DOCK3: variants seen among roughly 807,000 people sequenced by gnomAD.
The protein encoded by DOCK3 is dedicator of cytokinesis protein 3.
Under a neutral mutation model 265.6 loss-of-function variants are expected in DOCK3, and 60 were observed. The observed-to-expected ratio is 0.23, with a 90% CI of 0.18 to 0.28. The LOEUF (loss-of-function observed/expected upper bound fraction) is 0.28. Ranked by LOEUF, DOCK3 falls within the 10% of genes least tolerant of loss-of-function variation. The pLI, the probability that DOCK3 is intolerant of heterozygous loss-of-function variation, is 1.00. For synonymous variants in DOCK3, 881 were observed against 938.0 expected (o/e 0.94, Z 1.11); for missense variants, 1,981 against 2,594.3 (o/e 0.76, Z 5.14).
intron 4 of DOCK3, among the ~76,000 whole-genome samples, chr3:50,890,767 G>T (rs1053712798): frequency 1.3e-5 from 2 of 152,036 alleles, no homozygotes; most frequent in Non-Finnish European, 2.9e-5. Context: ...TGCAGGGTGA[G>T]TAAGCATCAG....
intron 5 of DOCK3, among the ~76,000 whole-genome samples, chr3:51,056,280 G>A (rs1033460340): frequency 1.3e-5 from 2 of 151,988 alleles, no homozygotes; most frequent in East Asian, 1.9e-4. Flanking sequence ...ACGGAGTCTC[G>A]CTCTGTTCCC....
At chr3:51,073,206 A>G (rs1036385924) in intron 6 of DOCK3, among the ~76,000 whole-genome samples, 6 of 152,132 alleles carry the variant, frequency 3.9e-5, no homozygotes, top group East Asian at 1.9e-4. Context: ...ACATATTACT[A>G]TTTCAGTTTT....
chr3:51,073,248 C>G (rs1397805122), intron 6 of DOCK3, among the ~76,000 whole-genome samples: 1 of 152,126 alleles, frequency 6.6e-6, no homozygotes, highest in Admixed American at 6.5e-5. Context: ...TTCTTGTGAT[C>G]TTTCCATTGT....
Position 50,686,390 on chromosome 3 carries a change from A to G in DOCK3, c.37+11090A>G, listed in dbSNP as rs554628440. Among the ~76,000 whole-genome samples the G allele has an allele frequency of 5.9e-5, 9 of 152,306 alleles. No homozygotes were observed. In the East Asian group the frequency reaches 1.5e-3, roughly 26 times the overall value. ...TGTATGGAGATTTGAAGTTGTCCCA[A>G]ACATACCATTAAGGCTGTTGTCATT... is the stretch of plus-strand genomic sequence containing the variant. On this transcript the variant is annotated intron_variant, in intron 1 of 52. Coordinates refer to ENST00000266037, the MANE Select transcript of DOCK3 (RefSeq NM_004947.5).
chr3:51,028,099 C>G (rs368963208), intron 5 of DOCK3, among the ~76,000 whole-genome samples: 1 of 151,998 alleles, frequency 6.6e-6, no homozygotes, highest in African/African-American at 2.4e-5. Flanking sequence ...TTAGAGCTCT[C>G]GAGCATTTCT....
rs898833614 is a variant in DOCK3, at chr3:50,907,881, A to G, written c.218+17800A>G. Among the ~76,000 whole-genome samples the G allele has an allele frequency of 7.2e-5, 11 of 152,112 alleles. No individual in the cohort carries two copies. In the East Asian group the frequency reaches 2.1e-3, roughly 29 times the overall value. On this transcript the variant is annotated intron_variant, in intron 4 of 52. Coordinates refer to ENST00000266037, the MANE Select transcript of DOCK3 (RefSeq NM_004947.5). ...TGGTTTGGATGGTAGGCTATTTATT[A>G]CTGCCTCAATTTCAGAGCTTGTTGT...
intron 3 of DOCK3, among the ~76,000 whole-genome samples, chr3:50,865,238 C>G (rs2047085155): frequency 6.6e-6 from 1 of 152,074 alleles, no homozygotes; most frequent in South Asian, 2.1e-4. Flanking sequence ...AATTTTAGGT[C>G]TGATACATTC....
intron 22 of DOCK3, among the ~76,000 whole-genome samples, chr3:51,257,363 T>A (rs1311539240): frequency 6.6e-6 from 1 of 152,238 alleles, no homozygotes; most frequent in Non-Finnish European, 1.5e-5. Context: ...AACTTCTTCC[T>A]TAATACTTTT....
chr3:51,249,372 G>C (rs1257540445), intron 22 of DOCK3, among the ~76,000 whole-genome samples: 2 of 143,550 alleles, frequency 1.4e-5, no homozygotes, highest in Non-Finnish European at 3.1e-5. Flanking sequence ...CCGGGAGGGA[G>C]GTGGGGGGGT....
intron 1 of DOCK3, among the ~76,000 whole-genome samples, chr3:50,759,418 C>A (rs1417505739): frequency 1.3e-5 from 2 of 151,988 alleles, no homozygotes; most frequent in African/African-American, 2.4e-5. Context: ...TATGAAGTGG[C>A]ATCTCATTGT....
intron 10 of DOCK3, among the ~76,000 whole-genome samples, chr3:51,147,839 C>G (rs1288885051): frequency 1.3e-5 from 2 of 152,130 alleles, no homozygotes; most frequent in Non-Finnish European, 2.9e-5. Context: ...GATTTATAAT[C>G]CTTTGGGTAT....
chr3:50,789,610 T>A (rs918470495), intron 2 of DOCK3, among the ~76,000 whole-genome samples: 2 of 152,220 alleles, frequency 1.3e-5, no homozygotes, highest in African/African-American at 4.8e-5. Flanking sequence ...TTGCCATCCA[T>A]CACATTTCTT....
chr3:51,022,193 TTGAC>T (rs893263614), intron 5 of DOCK3, among the ~76,000 whole-genome samples: 1 of 152,208 alleles, frequency 6.6e-6, no homozygotes, highest in African/African-American at 2.4e-5. Flanking sequence ...ATTTTGTACA[TTGAC>T]TGTATATTTA....
At chr3:51,217,017 A>G (rs2089826874) in intron 14 of DOCK3, among the ~76,000 whole-genome samples, 1 of 152,256 alleles carries the variant, frequency 6.6e-6, no homozygotes, top group Non-Finnish European at 1.5e-5. Flanking sequence ...GAAGGAAATC[A>G]TGTCAGTAAC....
intron 22 of DOCK3, among the ~76,000 whole-genome samples, chr3:51,252,681 A>G (rs1280579747): frequency 1.3e-5 from 2 of 152,184 alleles, no homozygotes; most frequent in Non-Finnish European, 2.9e-5. Context: ...ATTGGTGTAT[A>G]GGAATGCTTG....
chr3:50,718,717 C>T (rs2037281059), intron 1 of DOCK3, among the ~76,000 whole-genome samples: 1 of 150,866 alleles, frequency 6.6e-6, no homozygotes, highest in African/African-American at 2.4e-5. Flanking sequence ...TTCCTTTTGC[C>T]ATCCGCTCTA....
intron 5 of DOCK3, 63 bp from the exon 6 acceptor site, chr3:51,064,385 T>C: frequency 6.3e-7 from 1 of 1,590,538 alleles, no homozygotes; most frequent in Admixed American, 1.7e-5. Flanking sequence ...CTATTTCTCT[T>C]TTTCTTTTCA....
intron 4 of DOCK3, among the ~76,000 whole-genome samples, chr3:50,913,790 C>G (rs1453473126): frequency 1.3e-5 from 2 of 152,002 alleles, no homozygotes; most frequent in Non-Finnish European, 2.9e-5. Flanking sequence ...GCACAGGAAC[C>G]CTCTCTGTAC....
intron 1 of DOCK3, among the ~76,000 whole-genome samples, chr3:50,677,095 TTGTTA>T (rs1424614484): frequency 2.0e-5 from 3 of 152,288 alleles, no homozygotes; most frequent in African/African-American, 7.2e-5. Flanking sequence ...TTTAGAAAAA[TTGTTA>T]TTCCCTTTGG....
Sources: allele counts gnomAD v4.1 joint callset (sites outside exome capture counted in the v4.1 genomes callset), GRCh38; gene constraint gnomAD v4.1.1; transcripts MANE v1.5; gene names NCBI Gene and HGNC (gene_info 2026-07-23, HGNC 2026-07-21).